The following SH3GL2 variants were observed in gnomAD, a reference collection of about 807,000 sequenced individuals.
SH3GL2 encodes endophilin-A1.
Under a neutral mutation model 46.0 loss-of-function variants are expected in SH3GL2, and 24 were observed. The observed-to-expected ratio is 0.52, with a 90% CI of 0.38 to 0.73. SH3GL2 has a LOEUF of 0.73. SH3GL2 is among the 30% of genes least tolerant of loss of function. The pLI is 0.00. For synonymous variants in SH3GL2, 196 were observed against 147.1 expected (o/e 1.33, Z -2.40); for missense variants, 413 against 424.2 (o/e 0.97, Z 0.23).
At chr9:17,623,063 C>CTTT (rs1819192853) in intron 1 of SH3GL2, among the ~76,000 whole-genome samples, 1 of 111,954 alleles carries the variant, frequency 8.9e-6, no homozygotes, top group Non-Finnish European at 1.9e-5. Flanking sequence ...CTTCCCCTTC[C>CTTT]CCTTCCCCTT....
At chr9:17,748,185 C>G (rs1312247852) in intron 2 of SH3GL2, among the ~76,000 whole-genome samples, 2 of 152,098 alleles carry the variant, frequency 1.3e-5, no homozygotes. Flanking sequence ...TACTTTAACG[C>G]TCTTCAGAAC....
At chr9:17,749,524 T>C (rs916389028) in intron 2 of SH3GL2, among the ~76,000 whole-genome samples, 1 of 152,126 alleles carries the variant, frequency 6.6e-6, no homozygotes, top group African/African-American at 2.4e-5. Flanking sequence ...ATTAGGCAGG[T>C]ATTTAGGAAT....
At chr9:17,595,504 C>T (rs1290853850) in intron 1 of SH3GL2, among the ~76,000 whole-genome samples, 1 of 152,168 alleles carries the variant, frequency 6.6e-6, no homozygotes, top group East Asian at 1.9e-4. Flanking sequence ...TAAAACACTT[C>T]TGGAGATCAG....
intron 1 of SH3GL2, among the ~76,000 whole-genome samples, chr9:17,643,647 A>G (rs1000948330): frequency 2.0e-5 from 3 of 152,118 alleles, no homozygotes; most frequent in African/African-American, 7.2e-5. Flanking sequence ...ATTGATTTGT[A>G]TATGTTGAAG....
chr9:17,631,138 G>A (rs563132705), intron 1 of SH3GL2, among the ~76,000 whole-genome samples: 7 of 152,244 alleles, frequency 4.6e-5, no homozygotes, highest in South Asian at 2.1e-4. Flanking sequence ...GAAAAAACCC[G>A]CAATTATTTT....
At chr9:17,789,069 T>C (rs1008425668) in intron 5 of SH3GL2, among the ~76,000 whole-genome samples, 3 of 152,238 alleles carry the variant, frequency 2.0e-5, no homozygotes, top group Non-Finnish European at 2.9e-5. Context: ...GTAGGGCATG[T>C]GCATTCCTTC....
chr9:17,620,908 TG>T (rs1819123180), intron 1 of SH3GL2, among the ~76,000 whole-genome samples: 1 of 152,142 alleles, frequency 6.6e-6, no homozygotes, highest in Non-Finnish European at 1.5e-5. Context: ...TCAAAATATT[TG>T]GAGTCAGTAG....
intron 1 of SH3GL2, among the ~76,000 whole-genome samples, chr9:17,732,847 C>T (rs1026952746): frequency 6.6e-6 from 1 of 152,064 alleles, no homozygotes; most frequent in Non-Finnish European, 1.5e-5. Flanking sequence ...AAGATTTTTG[C>T]ACACTGAAGT....
chr9:17,765,307 T>C (rs1366656931), intron 3 of SH3GL2, among the ~76,000 whole-genome samples: 1 of 147,698 alleles, frequency 6.8e-6, no homozygotes, highest in African/African-American at 2.5e-5. Flanking sequence ...GAGGGTACTT[T>C]GGGAGTACAT....
intron 1 of SH3GL2, among the ~76,000 whole-genome samples, chr9:17,711,342 T>A (rs1022735550): frequency 6.6e-5 from 10 of 151,926 alleles, no homozygotes; most frequent in African/African-American, 2.4e-4. Flanking sequence ...GTAACTGTAC[T>A]TATTTAAAGC....
rs115830296 is a variant in SH3GL2 at position 17,732,883 on chromosome 9, A to G, written c.46-14183A>G. Among the ~76,000 whole-genome samples the G allele has an allele frequency of 5.0e-3, 760 of 152,248 alleles. 5 individuals carry two copies. Among genetic ancestry groups the G allele is most frequent in the African/African-American group, 0.017 (720 of 41,572 alleles). On this transcript the variant is annotated intron_variant, in intron 1 of 8. Coordinates refer to ENST00000380607, the MANE Select transcript of SH3GL2 (RefSeq NM_003026.5). ...TGCATATTGATTATAGCCAACCCAA[A>G]TAGATCCTTTCCTGGGAACAGAAGT...
rs762920242 is a variant in SH3GL2, at chr9:17,614,295, G to GGAAAAAAAAAAAAA, written c.45+35008_45+35009insGAAAAAAAAAAAAA. Among the ~76,000 whole-genome samples the GGAAAAAAAAAAAAA allele has an allele frequency of 2.6e-4, 18 of 70,300 alleles. 2 individuals are homozygous for GGAAAAAAAAAAAAA. The East Asian group carries it at 6.3e-3, about 24-fold the overall frequency. The allele number at this position is 70,300 out of a possible 152,430, so 46.1% of individuals were successfully genotyped here. A position where few individuals can be genotyped will look rare whatever the true frequency, so the allele number is the denominator to read the frequency against. On this transcript the variant is annotated intron_variant, in intron 1 of 8. Coordinates refer to ENST00000380607, the MANE Select transcript of SH3GL2 (RefSeq NM_003026.5). ...GTGACAGGGAACATGCATGGTTTCTGAAAAAAAAAAAAAAAAAAAAAAAAA... is the reference window on the plus strand; with the variant it reads ...GTGACAGGGAACATGCATGGTTTCTGGAAAAAAAAAAAAAAAAAAAAAAAAAAAAAAAAAAAAAA...
At chr9:17,636,281 G>A (rs572028475) in intron 1 of SH3GL2, among the ~76,000 whole-genome samples, 13 of 151,674 alleles carry the variant, frequency 8.6e-5, no homozygotes, top group African/African-American at 3.2e-4. Context: ...GGGCAGCATG[G>A]GAATGTTAGG....
At chr9:17,717,770 T>C (rs1588269646) in intron 1 of SH3GL2, among the ~76,000 whole-genome samples, 2 of 151,000 alleles carry the variant, frequency 1.3e-5, no homozygotes, top group South Asian at 4.2e-4. Context: ...ATGTACTCTA[T>C]GTGCTGTAAA....
In SH3GL2 at chr9:17,706,402, C is replaced by G. The variant is rs535994308; in HGVS notation, c.46-40664C>G. 2.6e-5 allele frequency among the ~76,000 whole-genome samples: 4 copies of G among 152,236 alleles called. No homozygotes were observed. In the South Asian group the frequency reaches 8.3e-4, roughly 32 times the overall value. ...TTCTCCACATTGCCTGTGATGCTAG[C>G]ACCTCTTCATGAACTTTCCTGTCCT... is the stretch of plus-strand genomic sequence containing the variant. On this transcript the variant is annotated intron_variant, in intron 1 of 8. Transcript: ENST00000380607.
intron 5 of SH3GL2, 140 bp from the exon 6 acceptor site, chr9:17,789,252 C>CT (rs1295216603): frequency 1.1e-5 from 7 of 641,602 alleles, no homozygotes; most frequent in Admixed American, 2.8e-5. Context: ...ATGCATGTTT[C>CT]TTTATTTCTC....
intron 1 of SH3GL2, among the ~76,000 whole-genome samples, chr9:17,661,809 A>C (rs1478467594): frequency 2.6e-5 from 4 of 151,818 alleles, no homozygotes; most frequent in Non-Finnish European, 5.9e-5. Context: ...GATAGTCCTG[A>C]ATATAAACTT....
chr9:17,785,626 A>G (rs1312092710), intron 3 of SH3GL2, among the ~76,000 whole-genome samples: 5 of 152,200 alleles, frequency 3.3e-5, no homozygotes, highest in Non-Finnish European at 7.3e-5. Flanking sequence ...CAATTAAGTC[A>G]TAGGCTTTAA....
At chr9:17,701,069 C>T (rs1484994334) in intron 1 of SH3GL2, among the ~76,000 whole-genome samples, 1 of 152,072 alleles carries the variant, frequency 6.6e-6, no homozygotes, top group Non-Finnish European at 1.5e-5. Context: ...TTTCATCATT[C>T]CATAGATTCA....
Sources: gnomAD v4.1 joint callset for allele counts (sites outside exome capture counted in the v4.1 genomes callset) on GRCh38, gnomAD v4.1.1 for gene constraint, MANE v1.5 for transcripts, NCBI Gene and HGNC (gene_info 2026-07-23, HGNC 2026-07-21) for gene names.